The following CNTNAP2 variants were observed in gnomAD, a reference collection of about 807,000 sequenced individuals.
CNTNAP2 encodes the protein contactin associated protein 2.
A neutral mutation model predicts 155.2 loss-of-function variants in CNTNAP2; 98 were observed. The observed-to-expected ratio is 0.63, with a 90% CI of 0.54 to 0.75. The LOEUF (loss-of-function observed/expected upper bound fraction) is 0.75, where lower values mean the gene tolerates loss of function less well. CNTNAP2 is among the 30% of genes least tolerant of loss of function. The pLI, the probability that CNTNAP2 is intolerant of heterozygous loss-of-function variation, is 0.00. For synonymous variants in CNTNAP2, 651 were observed against 631.2 expected (o/e 1.03, Z -0.47); for missense variants, 1,727 against 1,688.1 (o/e 1.02, Z -0.40).
At chr7:146,544,323 G>A (rs566061805) in intron 1 of CNTNAP2, among the ~76,000 whole-genome samples, 3 of 151,936 alleles carry the variant, frequency 2.0e-5, no homozygotes, top group Non-Finnish European at 4.4e-5. Flanking sequence ...TACCTATTTA[G>A]GCATTTTACA....
At chr7:147,318,166 G>T (rs901300009) in intron 9 of CNTNAP2, among the ~76,000 whole-genome samples, 1 of 152,128 alleles carries the variant, frequency 6.6e-6, no homozygotes, top group African/African-American at 2.4e-5. Context: ...AGTTCGCTGG[G>T]CGTTGTGGCT....
At chr7:146,645,048 G>A (rs1465513963) in intron 1 of CNTNAP2, among the ~76,000 whole-genome samples, 1 of 152,128 alleles carries the variant, frequency 6.6e-6, no homozygotes, top group Middle Eastern at 3.4e-3. Flanking sequence ...TTTTAGAGCA[G>A]AAATTTTTTT....
chr7:146,764,352 G>A (rs1282565935), intron 1 of CNTNAP2, among the ~76,000 whole-genome samples: 1 of 152,094 alleles, frequency 6.6e-6, no homozygotes, highest in Admixed American at 6.6e-5. Flanking sequence ...TAGCTCCTGG[G>A]TGGTGATTCA....
chr7:147,048,646 G>T (rs151146317), intron 4 of CNTNAP2, among the ~76,000 whole-genome samples: 5 of 152,210 alleles, frequency 3.3e-5, no homozygotes, highest in Admixed American at 6.5e-5. Flanking sequence ...ACCATATGTG[G>T]CTACTAGCAT....
chr7:146,223,952 G>A (rs906338492), intron 1 of CNTNAP2, among the ~76,000 whole-genome samples: 22 of 152,280 alleles, frequency 1.4e-4, no homozygotes, highest in African/African-American at 4.6e-4. Flanking sequence ...CTAAACATCT[G>A]CTAAGCATTT....
chr7:147,255,377 A>G (rs2116669926), intron 8 of CNTNAP2, among the ~76,000 whole-genome samples: 1 of 152,144 alleles, frequency 6.6e-6, no homozygotes, highest in South Asian at 2.1e-4. Flanking sequence ...GCATGCCACT[A>G]CGGCTGACTA....
In CNTNAP2 at chr7:147,485,914, G is replaced by C. The variant is rs139263526; in HGVS notation, c.1671-21G>C. On this transcript the variant is annotated intron_variant, in intron 10 of 23. Coordinates refer to ENST00000361727, the MANE Select transcript of CNTNAP2 (RefSeq NM_014141.6). ...CTCATTTGTTTGTTGGTTTATTTCT[G>C]TTTGTCTCTCTCTCTGACAGATGTG... is the stretch of plus-strand genomic sequence containing the variant. 53 of 1,611,510 alleles carry C rather than the reference G, an allele frequency of 3.3e-5. No individual in the cohort carries two copies. In the African/African-American group the frequency reaches 5.2e-4, roughly 16 times the overall value.
At chr7:147,937,786 A>G (rs1448323818) in intron 14 of CNTNAP2, among the ~76,000 whole-genome samples, 5 of 152,200 alleles carry the variant, frequency 3.3e-5, no homozygotes, top group Non-Finnish European at 7.3e-5. Context: ...ATGACTTCCT[A>G]GATTTTTTTC....
At chr7:148,290,612 C>A (rs1797172601) in intron 21 of CNTNAP2, among the ~76,000 whole-genome samples, 1 of 152,136 alleles carries the variant, frequency 6.6e-6, no homozygotes, top group African/African-American at 2.4e-5. Context: ...TGTGAGCAAC[C>A]ACCCTATCAC....
chr7:147,781,819 C>T (rs772635865), intron 13 of CNTNAP2, among the ~76,000 whole-genome samples: 1 of 151,946 alleles, frequency 6.6e-6, no homozygotes, highest in Non-Finnish European at 1.5e-5. Context: ...GTCAGGAGAT[C>T]GAGACCATCC....
At position 146,285,184 on chromosome 7, in the gene CNTNAP2, A is replaced by T. The variant is rs143140520; in HGVS notation, c.97+168211A>T. Among the ~76,000 whole-genome samples, 95 of 152,286 alleles carry T rather than the reference A, an allele frequency of 6.2e-4. 2 individuals carry two copies. Among genetic ancestry groups the T allele is most frequent in the African/African-American group, 2.2e-3 (92 of 41,540 alleles). On this transcript the variant is annotated intron_variant, in intron 1 of 23. Transcript: ENST00000361727. ...CCTCCCTTTACTTTAAGTAGGTAAA[A>T]ATAAAGATGCAATTGACCCTGTCGA...
chr7:147,152,714 A>C (rs1801851261), intron 8 of CNTNAP2, among the ~76,000 whole-genome samples: 1 of 152,166 alleles, frequency 6.6e-6, no homozygotes, highest in African/African-American at 2.4e-5. Flanking sequence ...CCAGTTTAGA[A>C]TGCCTTCTTA....
In CNTNAP2 at chr7:147,393,899, G is replaced by T. The variant is rs1357895; in HGVS notation, c.1499-1710G>T. Among the ~76,000 whole-genome samples the T allele has an allele frequency of 6.6e-3, 1,006 of 151,954 alleles. 11 individuals are homozygous for T. The highest frequency in any genetic ancestry group is 0.023 in the African/African-American group (946 of 41,468). ...ATAGGAGATTCAAATGACAGTTATT[G>T]GACTTTAAATATTGTAATCCATTAA... On this transcript the variant is annotated intron_variant, in intron 9 of 23. Transcript: ENST00000361727.
At chr7:146,869,370 C>T (rs1795263867) in intron 3 of CNTNAP2, among the ~76,000 whole-genome samples, 1 of 152,242 alleles carries the variant, frequency 6.6e-6, no homozygotes, top group South Asian at 2.1e-4. Context: ...GGGCATGAAA[C>T]CTACTTGATC....
At chr7:146,635,394 A>G (rs1185950844) in intron 1 of CNTNAP2, among the ~76,000 whole-genome samples, 1 of 152,086 alleles carries the variant, frequency 6.6e-6, no homozygotes, top group Non-Finnish European at 1.5e-5. Context: ...GTAACAGGAG[A>G]GCATGAAACT....
At chr7:148,180,308 T>C (rs1795014863) in intron 18 of CNTNAP2, among the ~76,000 whole-genome samples, 2 of 152,220 alleles carry the variant, frequency 1.3e-5, no homozygotes, top group African/African-American at 4.8e-5. Flanking sequence ...AGAACCCTTT[T>C]TTTTTCTTTT....
intron 3 of CNTNAP2, among the ~76,000 whole-genome samples, chr7:146,973,635 T>C (rs1431416640): frequency 3.3e-5 from 5 of 152,220 alleles, no homozygotes; most frequent in Non-Finnish European, 7.3e-5. Flanking sequence ...CACTGTGAGA[T>C]GCTTTATGGA....
At chr7:147,162,858 A>G (rs1408947147) in intron 8 of CNTNAP2, among the ~76,000 whole-genome samples, 2 of 152,222 alleles carry the variant, frequency 1.3e-5, no homozygotes, top group African/African-American at 4.8e-5. Flanking sequence ...ATCATGTTAC[A>G]CATGCACAGT....
At chr7:146,328,509 A>G (rs1801131594) in intron 1 of CNTNAP2, among the ~76,000 whole-genome samples, 1 of 142,238 alleles carries the variant, frequency 7.0e-6, no homozygotes. Flanking sequence ...TAATTCACTT[A>G]GCGACCTGTG....
Sources: gnomAD v4.1 joint callset for allele counts (sites outside exome capture counted in the v4.1 genomes callset) on GRCh38, gnomAD v4.1.1 for gene constraint, MANE v1.5 for transcripts, NCBI Gene and HGNC (gene_info 2026-07-23, HGNC 2026-07-21) for gene names.